SLC6A11: variants seen among roughly 807,000 people sequenced by gnomAD.
SLC6A11 encodes the protein solute carrier family 6 member 11, also known as sodium- and chloride-dependent GABA transporter 3.
Under a neutral mutation model 74.8 loss-of-function variants are expected in SLC6A11, and 25 were observed. The ratio of observed to expected loss-of-function variants is 0.33; its 90% CI spans 0.24 to 0.47. The LOEUF (loss-of-function observed/expected upper bound fraction) is 0.47. Among genes scored for constraint, SLC6A11 ranks in the 20% least tolerant of loss-of-function variants. The pLI is 1.00. For missense variants in SLC6A11, 574 were observed against 837.0 expected, an observed-to-expected ratio of 0.69 and a Z score of 3.88; for synonymous variants, 330 against 330.2, an observed-to-expected ratio of 1.00 and a Z score of 0.01.
chr3:10,912,221 T>C, intron 7 of SLC6A11, 28 bp downstream of exon 7: 1 of 1,475,628 alleles, frequency 6.8e-7, no homozygotes. Context: ...CCCTGCCAGC[T>C]CTCCACCAAA....
chr3:10,860,113 A>G (rs1368590493), intron 5 of SLC6A11, among the ~76,000 whole-genome samples: 1 of 152,154 alleles, frequency 6.6e-6, no homozygotes, highest in Non-Finnish European at 1.5e-5. Flanking sequence ...AATGATTTCT[A>G]TTTTCTTTAC....
intron 5 of SLC6A11, among the ~76,000 whole-genome samples, chr3:10,852,593 A>C (rs1381093668): frequency 6.6e-6 from 1 of 152,228 alleles, no homozygotes; most frequent in Non-Finnish European, 1.5e-5. Flanking sequence ...GGCCTGGAGA[A>C]GGCCAGGAGT....
chr3:10,925,973 CCA>C (rs1310159790), intron 8 of SLC6A11, 29 bp from the exon 9 acceptor site: 2 of 1,245,500 alleles, frequency 1.6e-6, no homozygotes, highest in Admixed American at 3.5e-5. Flanking sequence ...GGGACTCCAC[CCA>C]GTGGCTTTCT....
chr3:10,912,289 G>T (rs1034026821), intron 7 of SLC6A11, 96 bp downstream of exon 7: 4 of 833,328 alleles, frequency 4.8e-6, no homozygotes, highest in Non-Finnish European at 8.3e-6. Flanking sequence ...ACCTTGCAGG[G>T]CCCCAGGAGG....
intron 6 of SLC6A11, among the ~76,000 whole-genome samples, chr3:10,879,755 A>G (rs1694952347): frequency 6.6e-6 from 1 of 152,228 alleles, no homozygotes; most frequent in African/African-American, 2.4e-5. Flanking sequence ...ATGATCTCAT[A>G]CATACACATA....
At chr3:10,828,644 TAGA>T (rs1284530764) in intron 4 of SLC6A11, among the ~76,000 whole-genome samples, 1 of 152,176 alleles carries the variant, frequency 6.6e-6, no homozygotes, top group Admixed American at 6.5e-5. Context: ...TTCCTTTTGC[TAGA>T]AGATTTCTCA....
rs578045873 is a variant in SLC6A11, at chr3:10,816,391, G to A, written c.126G>A (p.Lys42=). 1 of 1,529,382 alleles carries A rather than the reference G, an allele frequency of 6.5e-7. No homozygotes were observed. Among genetic ancestry groups the A allele is most frequent in the African/African-American group, 1.4e-5 (1 of 69,596 alleles). 94.7% of individuals were successfully genotyped at this position (1,529,382 alleles called of 1,614,324 possible). A position where few individuals can be genotyped will look rare whatever the true frequency, so the allele number is the denominator to read the frequency against. The change falls in exon 1 of 14, where the codon AAG becomes AAA. Residue 42 remains lysine (K), a synonymous_variant. Coordinates refer to ENST00000254488, the MANE Select transcript of SLC6A11 (RefSeq NM_014229.3). This position sits in a 1 kb window ranked among gnomAD's most constrained non-coding sequence, Gnocchi z 4.2. ...CGCCCGCGCGCCACCCGCGCGTCAA[G>A]CGCGACAAGGCGGTCCACGAGCGCG... ...GAAPARHPRV[K]RDKAVHERGH...
At chr3:10,932,799 A>C (rs1695708433) in intron 10 of SLC6A11, among the ~76,000 whole-genome samples, 1 of 152,126 alleles carries the variant, frequency 6.6e-6, no homozygotes, top group East Asian at 1.9e-4. Flanking sequence ...GGAGAGGGTG[A>C]GGCTGGAGGC....
At chr3:10,860,639 C>T (rs759153549) in intron 5 of SLC6A11, among the ~76,000 whole-genome samples, 1 of 152,184 alleles carries the variant, frequency 6.6e-6, no homozygotes, top group South Asian at 2.1e-4. Context: ...TTGGAACTGG[C>T]CATACTGGGT....
chr3:10,861,012 A>G (rs1052321040), intron 5 of SLC6A11, among the ~76,000 whole-genome samples: 29 of 152,342 alleles, frequency 1.9e-4, no homozygotes, highest in Admixed American at 4.6e-4. Flanking sequence ...CCATAGGAAT[A>G]GGAAAGAAAA....
chr3:10,820,400 G>T (rs976132298), intron 3 of SLC6A11, among the ~76,000 whole-genome samples: 1 of 152,224 alleles, frequency 6.6e-6, no homozygotes, highest in African/African-American at 2.4e-5. Flanking sequence ...AAACTTAAAC[G>T]ATCTGGTGAC....
intron 5 of SLC6A11, among the ~76,000 whole-genome samples, chr3:10,865,882 A>G (rs1003987974): frequency 6.6e-5 from 10 of 152,294 alleles, no homozygotes; most frequent in Admixed American, 6.5e-4. Flanking sequence ...TCTGAGTAGA[A>G]GGAAACAGTG....
chr3:10,921,601 A>G (rs1695538067), intron 8 of SLC6A11, among the ~76,000 whole-genome samples: 1 of 152,218 alleles, frequency 6.6e-6, no homozygotes, highest in Admixed American at 6.5e-5. Context: ...AAACCAAAAG[A>G]AAACAAATGC....
At chr3:10,909,844 T>A (rs1197307808) in intron 6 of SLC6A11, among the ~76,000 whole-genome samples, 1 of 152,206 alleles carries the variant, frequency 6.6e-6, no homozygotes, top group African/African-American at 2.4e-5. Flanking sequence ...ATACAACCAC[T>A]TCTTCTCAAG....
chr3:10,866,820 A>G (rs1015508011), intron 5 of SLC6A11, among the ~76,000 whole-genome samples: 4 of 152,228 alleles, frequency 2.6e-5, no homozygotes, highest in Admixed American at 6.5e-5. Context: ...CACCTCCAAC[A>G]GTGGCAAAAA....
chr3:10,841,324 G>A lies in SLC6A11; in HGVS notation c.624-2890G>A, dbSNP rs1694434651. ...TTAAGAAAGCTTTTTCCCAGGAAGA[G>A]CTGTGCCTTCTCCAAGTCTCCGGAG... On this transcript the variant is annotated intron_variant, in intron 4 of 13. Transcript: ENST00000254488. Among the ~76,000 whole-genome samples the A allele has an allele frequency of 2.0e-5, 3 of 152,122 alleles. No individual in the cohort carries two copies. In the South Asian group the frequency reaches 6.2e-4, roughly 32 times the overall value.
At chr3:10,856,295 G>A (rs1694637651) in intron 5 of SLC6A11, among the ~76,000 whole-genome samples, 2 of 152,206 alleles carry the variant, frequency 1.3e-5, no homozygotes, top group Admixed American at 6.5e-5. Flanking sequence ...GGAGACTGCG[G>A]GTTGAGAGGG....
At chr3:10,908,207 TATA>T (rs537962809) in intron 6 of SLC6A11, among the ~76,000 whole-genome samples, 451 of 152,378 alleles carry the variant, frequency 3.0e-3, no homozygotes, top group Non-Finnish European at 4.6e-3. Context: ...AAAATTTGAA[TATA>T]ATAACATATA....
chr3:10,846,380 CAG>C (rs1343273131), intron 5 of SLC6A11, among the ~76,000 whole-genome samples: 1 of 152,160 alleles, frequency 6.6e-6, no homozygotes, highest in African/African-American at 2.4e-5. Context: ...GGAGTTGACA[CAG>C]AGGCCTGTGG....
Sources: allele counts gnomAD v4.1 joint callset (sites outside exome capture counted in the v4.1 genomes callset), GRCh38; gene constraint gnomAD v4.1.1; non-coding constraint Gnocchi (gnomAD v3.1); transcripts MANE v1.5; gene names NCBI Gene and HGNC (gene_info 2026-07-23, HGNC 2026-07-21).